The following LRP1 variants were observed in gnomAD, a reference collection of about 807,000 sequenced individuals.
LRP1 encodes the protein LDL receptor related protein 1.
LRP1 carries 51 observed loss-of-function variants against 541.5 expected under a neutral mutation model. The ratio of observed to expected loss-of-function variants is 0.09; its 90% confidence interval spans 0.08 to 0.12. LRP1 has a LOEUF of 0.12. Ranked by LOEUF, LRP1 falls within the 10% of genes least tolerant of loss-of-function variation. LRP1 has a pLI of 1.00. For missense variants in LRP1, 3,878 were observed against 6,376.2 expected (o/e 0.61, Z 13.34); for synonymous variants, 2,219 against 2,470.8 (o/e 0.90, Z 3.02).
intron 64 of LRP1, 64 bp from the exon 65 acceptor site, chr12:57,200,970 G>A: frequency 6.2e-7 from 1 of 1,609,386 alleles, no homozygotes. Context: ...GCTGAGGGAT[G>A]GGCACCCTCT....
In LRP1 at chr12:57,183,762, C is replaced by T. The variant is rs747380163; in HGVS notation, c.5795-13C>T. On this transcript the variant is annotated splice_polypyrimidine_tract_variant and intron_variant, in intron 35 of 88. Coordinates refer to ENST00000243077, the MANE Select transcript of LRP1 (RefSeq NM_002332.3). The surrounding 1 kb of genome is among the most constrained non-coding windows in gnomAD (Gnocchi z 6.1). ...CTTATTGGGCATCCCCATGTCACCT[C>T]CTCCACCTCCAGAAAATGACACCAT... The T allele has an allele frequency of 6.2e-7, 1 of 1,613,676 alleles. No individual in the cohort carries two copies. Among genetic ancestry groups the T allele is most frequent in the Non-Finnish European group, 8.5e-7 (1 of 1,180,034 alleles).
chr12:57,181,334 AC>A (rs34522447), intron 34 of LRP1, 43 bp downstream of exon 34: 1 of 1,581,110 alleles, frequency 6.3e-7, no homozygotes, highest in Non-Finnish European at 8.6e-7. Context: ...CAGCTCCCCA[AC>A]CCTGACCCCT....
Position 57,184,006 on chromosome 12 carries a change from G to A in LRP1, c.5930-79G>A. On this transcript the variant is annotated intron_variant, in intron 36 of 88. Transcript: ENST00000243077. This position sits in a 1 kb window ranked among gnomAD's most constrained non-coding sequence, Gnocchi z 7.8. Reference sequence around the variant, plus strand: ...GGCGGGAGCAGGAAGAGGAGCTGTAGGGGTGCCTGGGAGCTTGGAGACACC... The same window carrying A: ...GGCGGGAGCAGGAAGAGGAGCTGTAAGGGTGCCTGGGAGCTTGGAGACACC... The A allele has an allele frequency of 6.2e-7, 1 of 1,601,610 alleles. No homozygotes were observed. The highest frequency in any genetic ancestry group is 2.2e-5 in the East Asian group (1 of 44,730).
chr12:57,142,091 T>G (rs2035304247), intron 3 of LRP1, among the ~76,000 whole-genome samples: 1 of 152,102 alleles, frequency 6.6e-6, no homozygotes, highest in South Asian at 2.1e-4. Context: ...AACATTAGGA[T>G]GACAAGTCAG....
intron 44 of LRP1, among the ~76,000 whole-genome samples, chr12:57,192,282 CTA>C (rs2036428419): frequency 6.6e-6 from 1 of 152,098 alleles, no homozygotes; most frequent in African/African-American, 2.4e-5. Context: ...ACCAAGGCAT[CTA>C]CGCACACAGA....
Position 57,212,328 on chromosome 12 carries a change from T to C in LRP1, c.13494+67T>C. The C allele has an allele frequency of 1.2e-6, 2 of 1,613,194 alleles. No individual in the cohort carries two copies. Among genetic ancestry groups the C allele is most frequent in the Non-Finnish European group, 8.5e-7 (1 of 1,179,654 alleles). The stretch of plus-strand genomic sequence containing the variant: ...GGGTGGCCTAACCAAAGGTGTTGGG[T>C]TAGGTGAGGGACGGAGGTGGGGGTG... On this transcript the variant is annotated intron_variant, in intron 88 of 88. Transcript: ENST00000243077. This position sits in a 1 kb window ranked among gnomAD's most constrained non-coding sequence, Gnocchi z 5.0.
Position 57,185,093 on chromosome 12 carries a change from C to T in LRP1, c.6351C>T (p.Asn2117=), listed in dbSNP as rs761186365. 6.0e-5 allele frequency: 97 copies of T among 1,614,144 alleles called. 1 individual carries two copies. Among genetic ancestry groups the T allele is most frequent in the Middle Eastern group, 3.3e-4 (2 of 6,062 alleles). Reference sequence around the variant, plus strand: ...GTCCTTCCCTCAGGACTCATGCCAACGGCTCTATCAAGCGCGGGAGCAAAG... The same window carrying T: ...GTCCTTCCCTCAGGACTCATGCCAATGGCTCTATCAAGCGCGGGAGCAAAG... ...FIYWSDRTHA[N]GSIKRGSKDN... is the part of the protein sequence containing the mutation. The change falls in exon 40 of 89, where the codon AAC becomes AAT. Residue 2117 remains asparagine (N), a synonymous_variant. Coordinates refer to ENST00000243077, the MANE Select transcript of LRP1 (RefSeq NM_002332.3). The surrounding 1 kb of genome is among the most constrained non-coding windows in gnomAD (Gnocchi z 4.9).
rs1189947951 is a variant in LRP1 at position 57,173,342 on chromosome 12, A to G, written c.3338A>G (p.Lys1113Arg). ...VCDPSVKFGC[K>R]DSARCISKAW... Reference sequence around the variant, plus strand: ...GATCCCAGTGTCAAGTTTGGCTGCAAGGACTCAGGTGAAGAGGATGGTTGG... The same window carrying G: ...GATCCCAGTGTCAAGTTTGGCTGCAGGGACTCAGGTGAAGAGGATGGTTGG... Residue 1113 changes from lysine (K) to arginine (R), a missense_variant, in exon 21 of 89, where the codon AAG becomes AGG. Lys to Arg is a conservative substitution (Grantham distance 26, BLOSUM62 2). This residue lies in a region of LRP1 where 320 missense variants were observed against 547.9 expected (regional missense o/e 0.58). Transcript: ENST00000243077. The surrounding 1 kb of genome is among the most constrained non-coding windows in gnomAD (Gnocchi z 4.7). The G allele has an allele frequency of 6.2e-7, 1 of 1,613,022 alleles. No individual in the cohort carries two copies. Among genetic ancestry groups the G allele is most frequent in the African/African-American group, 1.3e-5 (1 of 74,932 alleles).
chr12:57,211,858 AG>A lies in LRP1; in HGVS notation c.13258+45del. ...GGCAGGCAGGGCCACCGGGACCTAG[AG>A]CAGGGGGACCGTGTGCCTCCTGCTT... is the stretch of plus-strand genomic sequence containing the variant. On this transcript the variant is annotated intron_variant, in intron 86 of 88. Coordinates refer to ENST00000243077, the MANE Select transcript of LRP1 (RefSeq NM_002332.3). The surrounding 1 kb of genome is among the most constrained non-coding windows in gnomAD (Gnocchi z 4.3). 1.2e-6 allele frequency: 2 copies of A among 1,613,414 alleles called. No homozygotes were observed. Among genetic ancestry groups the A allele is most frequent in the South Asian group, 2.2e-5 (2 of 91,058 alleles).
chr12:57,210,205 A>C (rs912918792), intron 81 of LRP1, 36 bp downstream of exon 81: 4 of 1,561,880 alleles, frequency 2.6e-6, no homozygotes, highest in South Asian at 2.4e-5. Flanking sequence ...GCCATGCCTC[A>C]GGACCATCTC....
chr12:57,153,485 T>C (rs1355887545), intron 6 of LRP1, among the ~76,000 whole-genome samples: 2 of 152,188 alleles, frequency 1.3e-5, no homozygotes, highest in African/African-American at 4.8e-5. Context: ...CTGAGGATTC[T>C]TTCATGGCCC....
At position 57,199,095 on chromosome 12, in the gene LRP1, T is replaced by C. The variant is rs139224065; in HGVS notation, c.9677-117T>C. 2,388 of 912,890 alleles carry C rather than the reference T, an allele frequency of 2.6e-3. 5 individuals carry two copies. Among genetic ancestry groups the C allele is most frequent in the Non-Finnish European group, 3.7e-3 (2,141 of 573,400 alleles). The allele number at this position is 912,890 out of a possible 1,614,324, so 56.5% of individuals were successfully genotyped here. ...GGGGGTCTGTACCATGAACCATCTG[T>C]AACTGGGGCTGACACCCACCTCTCA... is the stretch of plus-strand genomic sequence containing the variant. On this transcript the variant is annotated intron_variant, in intron 60 of 88. Coordinates refer to ENST00000243077, the MANE Select transcript of LRP1 (RefSeq NM_002332.3).
Position 57,129,044 on chromosome 12 carries a change from C to G in LRP1, c.67+13C>G. The stretch of plus-strand genomic sequence containing the variant: ...GCGGCTATCGACGGTGAGTGAGATT[C>G]CGCGTCCCCCTTGGACCCCTGGGGG... On this transcript the variant is annotated intron_variant, in intron 1 of 88. Transcript: ENST00000243077. The G allele has an allele frequency of 1.3e-6, 2 of 1,551,450 alleles. No homozygotes were observed. The highest frequency in any genetic ancestry group is 1.7e-6 in the Non-Finnish European group (2 of 1,146,858).
chr12:57,191,822 C>T (rs1189960514), intron 44 of LRP1, among the ~76,000 whole-genome samples: 2 of 87,140 alleles, frequency 2.3e-5, no homozygotes, highest in African/African-American at 4.5e-5. Context: ...CCCACATATA[C>T]CACACCACAC....
chr12:57,208,297 C>T (rs1184343806), intron 77 of LRP1, 81 bp downstream of exon 77: 11 of 1,432,142 alleles, frequency 7.7e-6, no homozygotes, highest in South Asian at 2.5e-5. Flanking sequence ...CACCCACATG[C>T]GTGCCCTTCC....
At position 57,194,354 on chromosome 12, in the gene LRP1, G is replaced by T; in HGVS notation, c.7919G>T (p.Ser2640Ile). 1 of 1,509,642 alleles carries T rather than the reference G, an allele frequency of 6.6e-7. No individual in the cohort carries two copies. Among genetic ancestry groups the T allele is most frequent in the Non-Finnish European group, 8.8e-7 (1 of 1,130,362 alleles). 93.5% of individuals were successfully genotyped at this position (1,509,642 alleles called of 1,614,324 possible). The change falls in exon 49 of 89, where the codon AGT (serine) becomes ATT (isoleucine). Residue 2640 changes from serine to isoleucine, a missense_variant and splice_region_variant. Ser to Ile is a moderately radical substitution (Grantham distance 142). This residue lies in a region of LRP1 where 1,100 missense variants were observed against 1,827.4 expected (regional missense o/e 0.60). Transcript: ENST00000243077. ...TCACCCTCACCCCTGCCCCCACCAG[G>T]TGCCACCGACTGCAGCAGCTACTTC... The part of the protein sequence containing the change: ...CEDASDEMNC[S>I]ATDCSSYFRL...
intron 1 of LRP1, among the ~76,000 whole-genome samples, chr12:57,129,434 T>TGG (rs1388152700): frequency 6.8e-6 from 1 of 147,720 alleles, no homozygotes; most frequent in African/African-American, 2.5e-5. Flanking sequence ...CAAAAGGGGG[T>TGG]GGGGGTGGGG....
intron 64 of LRP1, 35 bp downstream of exon 64, chr12:57,200,850 CA>C: frequency 6.3e-7 from 1 of 1,582,044 alleles, no homozygotes; most frequent in Non-Finnish European, 8.7e-7. Flanking sequence ...CCTCCTTCCC[CA>C]GCATCTTCCC....
At chr12:57,130,758 A>T (rs2035022404) in intron 1 of LRP1, among the ~76,000 whole-genome samples, 1 of 152,130 alleles carries the variant, frequency 6.6e-6, no homozygotes, top group African/African-American at 2.4e-5. Flanking sequence ...CCAGGGCTCT[A>T]AAGGAGTTCT....
Sources: gnomAD v4.1 joint callset for allele counts (sites outside exome capture counted in the v4.1 genomes callset) on GRCh38, gnomAD v4.1.1 for gene constraint, gnomAD v4.1.1 regional missense constraint, Gnocchi (gnomAD v3.1) non-coding constraint, MANE v1.5 for transcripts, NCBI Gene and HGNC (gene_info 2026-07-23, HGNC 2026-07-21) for gene names.